Variants in AKAP19 observed in about 807,000 individuals in gnomAD.
AKAP19 encodes A-kinase anchoring protein 19.
At chr2:189,976,163 A>G in the AKAP19 span, among the ~76,000 whole-genome samples, 116 of 152,090 alleles carry the variant, frequency 7.6e-4, no homozygotes, top group East Asian at 0.02. Context: ...TTTGGTGTGG[A>G]TGTCCTTTCT....
the AKAP19 span, among the ~76,000 whole-genome samples, chr2:190,088,180 G>T: frequency 6.6e-6 from 1 of 152,278 alleles, no homozygotes; most frequent in Middle Eastern, 3.4e-3. Context: ...CAGGGACCAG[G>T]ATTATGCCTT....
chr2:190,124,311 A>G, the AKAP19 span, among the ~76,000 whole-genome samples: 182 of 152,356 alleles, frequency 1.2e-3, 1 homozygote, highest in African/African-American at 4.2e-3. Flanking sequence ...ATACTTACAC[A>G]AACCTAGATG....
At chr2:190,195,969 T>C in the AKAP19 span, among the ~76,000 whole-genome samples, 2 of 121,052 alleles carry the variant, frequency 1.7e-5, no homozygotes, top group Non-Finnish European at 3.6e-5. Flanking sequence ...TTTTGGCATA[T>C]GGATGATTTG....
chr2:190,035,738 G>A, the AKAP19 span, among the ~76,000 whole-genome samples: 1 of 152,034 alleles, frequency 6.6e-6, no homozygotes, highest in Non-Finnish European at 1.5e-5. Flanking sequence ...TCATGATATT[G>A]CATGTATCAG....
chr2:190,134,696 G>A, the AKAP19 span, among the ~76,000 whole-genome samples: 1 of 85,056 alleles, frequency 1.2e-5, no homozygotes, highest in African/African-American at 4.5e-5. Context: ...AGTCTCTGCA[G>A]GGAAGTTAAC....
chr2:190,122,999 A>G, the AKAP19 span, among the ~76,000 whole-genome samples: 1 of 151,952 alleles, frequency 6.6e-6, no homozygotes, highest in Admixed American at 6.6e-5. Context: ...TTTTGTAGAG[A>G]CAAGATCTCG....
At chr2:189,933,002 A>G in the AKAP19 span, among the ~76,000 whole-genome samples, 8 of 152,176 alleles carry the variant, frequency 5.3e-5, no homozygotes, top group Admixed American at 5.2e-4. Flanking sequence ...AGATTATCCT[A>G]TGTCTCATGC....
At chr2:189,956,177 C>CTTTT in the AKAP19 span, among the ~76,000 whole-genome samples, 27 of 122,938 alleles carry the variant, frequency 2.2e-4, 5 homozygotes, top group Non-Finnish European at 3.1e-4. Context: ...TCTTTTTTTT[C>CTTTT]TTTTTTTTTT....
the AKAP19 span, among the ~76,000 whole-genome samples, chr2:189,979,220 G>C: frequency 6.6e-6 from 1 of 151,988 alleles, no homozygotes; most frequent in Non-Finnish European, 1.5e-5. Flanking sequence ...CATGGTACTG[G>C]CACAAAAATA....
At chr2:190,018,853 G>T in the AKAP19 span, among the ~76,000 whole-genome samples, 1 of 152,222 alleles carries the variant, frequency 6.6e-6, no homozygotes, top group African/African-American at 2.4e-5. Context: ...AGAACCCTGG[G>T]CAGGCAGAGC....
At chr2:190,062,176 G>C in the AKAP19 span, 1 of 1,600,274 alleles carries the variant, frequency 6.2e-7, no homozygotes, top group South Asian at 1.1e-5. Flanking sequence ...ATAAACACTA[G>C]AACAACAGTC....
chr2:190,161,023 T>C, the AKAP19 span, among the ~76,000 whole-genome samples: 1 of 152,194 alleles, frequency 6.6e-6, no homozygotes, highest in African/African-American at 2.4e-5. Context: ...AAATTGTCTC[T>C]AAGAGACTGG....
At chr2:190,128,990 G>A in the AKAP19 span, among the ~76,000 whole-genome samples, 9 of 152,206 alleles carry the variant, frequency 5.9e-5, 1 homozygote, top group South Asian at 1.2e-3. Context: ...ATGATATGAC[G>A]TAAGCATATA....
chr2:190,040,582 A>G, the AKAP19 span, among the ~76,000 whole-genome samples: 30 of 152,210 alleles, frequency 2.0e-4, no homozygotes, highest in Non-Finnish European at 2.9e-4. Flanking sequence ...AATCTTTGCC[A>G]TGAAATCTTT....
At chr2:189,973,532 T>C in the AKAP19 span, among the ~76,000 whole-genome samples, 1 of 152,210 alleles carries the variant, frequency 6.6e-6, no homozygotes, top group South Asian at 2.1e-4. Context: ...TCTTTTTCTA[T>C]TGATTGGAAT....
At chr2:190,148,944 C>A in the AKAP19 span, among the ~76,000 whole-genome samples, 4 of 105,982 alleles carry the variant, frequency 3.8e-5, no homozygotes, top group East Asian at 8.9e-4. Context: ...TTTATCTTTT[C>A]TTTTCTTTCT....
chr2:189,955,460 T>G, the AKAP19 span, among the ~76,000 whole-genome samples: 3 of 152,188 alleles, frequency 2.0e-5, no homozygotes, highest in African/African-American at 7.2e-5. Flanking sequence ...CAATGATGTC[T>G]TTTTCTTTGG....
At chr2:189,923,713 C>A in the AKAP19 span, 2 of 1,613,694 alleles carry the variant, frequency 1.2e-6, no homozygotes, top group South Asian at 2.2e-5. Context: ...TGTACAGTTA[C>A]CCAGCACGTG....
At chr2:190,096,504 T>G in the AKAP19 span, among the ~76,000 whole-genome samples, 9 of 152,292 alleles carry the variant, frequency 5.9e-5, no homozygotes, top group East Asian at 9.6e-4. Context: ...GCCTAGGTCA[T>G]ATAGCCCTAT....
Sources: gnomAD v4.1 joint callset for allele counts (sites outside exome capture counted in the v4.1 genomes callset) on GRCh38, gnomAD v4.1.1 for gene constraint, MANE v1.5 for transcripts, NCBI Gene and HGNC (gene_info 2026-07-23, HGNC 2026-07-21) for gene names.